MAP4K4: variants seen among roughly 807,000 people sequenced by gnomAD.
MAP4K4 encodes the protein HPK/GCK-like kinase HGK.
Under a neutral mutation model 189.6 loss-of-function variants are expected in MAP4K4, and 38 were observed. The observed-to-expected ratio is 0.20, with a 90% CI of 0.15 to 0.26. MAP4K4 has a LOEUF of 0.26. Among genes scored for constraint, MAP4K4 ranks in the 10% least tolerant of loss-of-function variants. The pLI is 1.00. For missense variants in MAP4K4, 1,054 were observed against 1,726.9 expected (o/e 0.61, Z 6.91); for synonymous variants, 610 against 624.3 (o/e 0.98, Z 0.34).
intron 25 of MAP4K4, 28 bp downstream of exon 25, chr2:101,873,792 C>G (rs2098120897): frequency 6.8e-7 from 1 of 1,477,480 alleles, no homozygotes; most frequent in African/African-American, 1.4e-5. Context: ...AAGAAAGCAG[C>G]TGACAAATGG....
At chr2:101,699,946 G>C (rs974213601) in intron 2 of MAP4K4, among the ~76,000 whole-genome samples, 5 of 152,240 alleles carry the variant, frequency 3.3e-5, no homozygotes, top group Admixed American at 1.3e-4. Flanking sequence ...GCAACTCACT[G>C]AGTGGTTGGT....
intron 3 of MAP4K4, among the ~76,000 whole-genome samples, chr2:101,797,889 G>GTGTTTTTTTTTTTTTGTTTTTTTT (rs1553478618): frequency 1.9e-5 from 1 of 52,304 alleles, no homozygotes; most frequent in African/African-American, 7.6e-5. Flanking sequence ...CATTCTTTTA[G>GTGTTTTTTTTTTTTTGTTTTTTTT]TTTTTTTTTT....
At position 101,852,662 on chromosome 2, in the gene MAP4K4, T is replaced by G. The variant is rs527680782; in HGVS notation, c.1234-3315T>G. 4.1e-4 allele frequency among the ~76,000 whole-genome samples: 63 copies of G among 152,336 alleles called. 1 individual carries two copies. The South Asian group carries it at 0.011, about 27-fold the overall frequency. ...ATTTTGAATTAAATTTATACATTTT[T>G]ATTAGTTGAATAAAATGTAATTATG... is the stretch of plus-strand genomic sequence containing the variant. On this transcript the variant is annotated intron_variant, in intron 12 of 32. Coordinates refer to ENST00000324219, the Ensembl canonical transcript of MAP4K4.
At chr2:101,803,685 C>T (rs972183673) in intron 3 of MAP4K4, among the ~76,000 whole-genome samples, 1 of 152,114 alleles carries the variant, frequency 6.6e-6, no homozygotes, top group African/African-American at 2.4e-5. Context: ...AGTCTGTCAA[C>T]GTCTTGTGAA....
intron 5 of MAP4K4, among the ~76,000 whole-genome samples, chr2:101,827,013 G>A (rs1306518215): frequency 6.6e-6 from 1 of 152,014 alleles, no homozygotes; most frequent in Non-Finnish European, 1.5e-5. Context: ...AATGTCCTAG[G>A]CATCAAATGT....
chr2:101,874,232 T>C, exon 26 of MAP4K4: 1 of 1,610,660 alleles, frequency 6.2e-7, no homozygotes, highest in Non-Finnish European at 8.5e-7. Flanking sequence ...AACTCTGAGA[T>C]TCTGTGTGCT....
exon 13 of MAP4K4, chr2:101,856,078 C>T (rs559981444): frequency 1.3e-6 from 2 of 1,551,094 alleles, no homozygotes; most frequent in East Asian, 2.4e-5. Flanking sequence ...AGAGAAGGCG[C>T]AAAGAAGAAG....
At chr2:101,893,298 G>T in exon 33 of MAP4K4, 1 of 455,908 alleles carries the variant, frequency 2.2e-6, no homozygotes, top group South Asian at 1.6e-5. Context: ...AGTAAAAGAA[G>T]ATGGAAATGG....
intron 12 of MAP4K4, among the ~76,000 whole-genome samples, chr2:101,853,415 GA>G (rs781494347): frequency 8.5e-5 from 13 of 152,128 alleles, no homozygotes; most frequent in Non-Finnish European, 1.9e-4. Context: ...AGAATACTCA[GA>G]AATTAAGAAG....
chr2:101,784,242 G>GTGTTTCTACTCTAGGGCATGT (rs2089374631), intron 2 of MAP4K4, among the ~76,000 whole-genome samples: 1 of 151,224 alleles, frequency 6.6e-6, no homozygotes, highest in East Asian at 1.9e-4. Flanking sequence ...CTAGGGCATG[G>GTGTTTCTACTCTAGGGCATGT]TATTTCTCTG....
intron 2 of MAP4K4, among the ~76,000 whole-genome samples, chr2:101,761,041 G>A (rs1036306009): frequency 1.3e-5 from 2 of 152,078 alleles, no homozygotes; most frequent in Non-Finnish European, 2.9e-5. Flanking sequence ...TAACATGTTG[G>A]CAATTTAGAT....
intron 2 of MAP4K4, among the ~76,000 whole-genome samples, chr2:101,715,534 T>A (rs1166167521): frequency 6.6e-6 from 1 of 152,212 alleles, no homozygotes; most frequent in Non-Finnish European, 1.5e-5. Context: ...TAGTTCAGAT[T>A]TTTTTGGATT....
chr2:101,859,325 G>A (rs2149823014), intron 14 of MAP4K4, among the ~76,000 whole-genome samples: 1 of 152,292 alleles, frequency 6.6e-6, no homozygotes, highest in African/African-American at 2.4e-5. Context: ...AACAGAACTT[G>A]GCACTCAGTG....
intron 2 of MAP4K4, among the ~76,000 whole-genome samples, chr2:101,740,389 C>T (rs1425609894): frequency 2.9e-5 from 3 of 102,684 alleles, no homozygotes. Context: ...CTCCTGACCT[C>T]GTGATCCGCC....
intron 2 of MAP4K4, among the ~76,000 whole-genome samples, chr2:101,716,304 G>A (rs548565880): frequency 1.1e-4 from 16 of 152,160 alleles, no homozygotes; most frequent in African/African-American, 2.7e-4. Flanking sequence ...TTAGCCGGGC[G>A]TGGTGGCAGG....
At chr2:101,764,084 C>G (rs1168485116) in intron 2 of MAP4K4, among the ~76,000 whole-genome samples, 1 of 151,856 alleles carries the variant, frequency 6.6e-6, no homozygotes, top group Non-Finnish European at 1.5e-5. Flanking sequence ...GTTTGGTGTT[C>G]CCTAAGGAGG....
At chr2:101,836,895 G>A (rs2096772640) in intron 9 of MAP4K4, among the ~76,000 whole-genome samples, 1 of 152,064 alleles carries the variant, frequency 6.6e-6, no homozygotes, top group South Asian at 2.1e-4. Context: ...ACATGGTGTT[G>A]GGTTAGTTGT....
intron 2 of MAP4K4, among the ~76,000 whole-genome samples, chr2:101,718,573 G>A (rs1176084387): frequency 8.1e-6 from 1 of 123,824 alleles, no homozygotes; most frequent in African/African-American, 3.0e-5. Context: ...GTGGGGGTGG[G>A]GGGGTGGGGG....
intron 24 of MAP4K4, 126 bp downstream of exon 24, chr2:101,871,811 C>T (rs1384503051): frequency 1.2e-6 from 1 of 825,514 alleles, no homozygotes; most frequent in Non-Finnish European, 1.8e-6. Flanking sequence ...TCTCTGTCAC[C>T]TACCCTTCTC....
Sources: allele counts gnomAD v4.1 joint callset (sites outside exome capture counted in the v4.1 genomes callset), GRCh38; gene constraint gnomAD v4.1.1; transcripts MANE v1.5; gene names NCBI Gene and HGNC (gene_info 2026-07-23, HGNC 2026-07-21).